The following SGMS1 variants were observed in gnomAD, a reference collection of about 807,000 sequenced individuals.
The protein encoded by SGMS1 is sphingomyelin synthase 1, also known as phosphatidylcholine:ceramide cholinephosphotransferase 1.
A neutral mutation model predicts 46.2 loss-of-function variants in SGMS1; 13 were observed. That is an observed-to-expected ratio of 0.28 (90% CI 0.18 to 0.45). SGMS1 has a LOEUF of 0.45. Among genes scored for constraint, SGMS1 ranks in the 20% least tolerant of loss-of-function variants. SGMS1 has a pLI of 1.00. For synonymous variants in SGMS1, 203 were observed against 187.8 expected, an observed-to-expected ratio of 1.08 and a Z score of -0.66; for missense variants, 324 against 519.9, an observed-to-expected ratio of 0.62 and a Z score of 3.66.
chr10:50,322,838 CAAAAAAAAA>C (rs58049533), intron 8 of SGMS1, among the ~76,000 whole-genome samples: 1 of 51,324 alleles, frequency 1.9e-5, no homozygotes, highest in African/African-American at 6.5e-5. Flanking sequence ...GACTCCGTCT[CAAAAAAAAA>C]AAAAAAAAAA....
intron 8 of SGMS1, among the ~76,000 whole-genome samples, 195 bp downstream of exon 8, chr10:50,327,010 G>T (rs1847543005): frequency 2.9e-5 from 2 of 68,260 alleles, no homozygotes; most frequent in Admixed American, 2.7e-4. Flanking sequence ...CATTTCCCCA[G>T]TTGGGAGGCA....
At chr10:50,357,281 G>T (rs1848170126) in intron 6 of SGMS1, among the ~76,000 whole-genome samples, 1 of 151,624 alleles carries the variant, frequency 6.6e-6, no homozygotes, top group South Asian at 2.1e-4. Flanking sequence ...AGCCAAGCAG[G>T]TCTTTAAACA....
chr10:50,315,834 C>G (rs982704729), intron 8 of SGMS1, among the ~76,000 whole-genome samples: 7 of 152,104 alleles, frequency 4.6e-5, no homozygotes, highest in African/African-American at 1.7e-4. Flanking sequence ...TCACAGAAAA[C>G]CAATAACCAG....
intron 2 of SGMS1, among the ~76,000 whole-genome samples, chr10:50,526,796 G>A (rs1353605702): frequency 6.6e-6 from 1 of 152,104 alleles, no homozygotes; most frequent in African/African-American, 2.4e-5. Flanking sequence ...GCCGGGCACG[G>A]TGGCTCACGC....
At chr10:50,535,603 C>T (rs544182876) in intron 2 of SGMS1, among the ~76,000 whole-genome samples, 2 of 152,240 alleles carry the variant, frequency 1.3e-5, no homozygotes, top group African/African-American at 2.4e-5. Context: ...CTCTTGACTT[C>T]GTGATCCACC....
At chr10:50,381,905 G>A (rs759006944) in intron 6 of SGMS1, among the ~76,000 whole-genome samples, 5 of 152,188 alleles carry the variant, frequency 3.3e-5, no homozygotes, top group Non-Finnish European at 5.9e-5. Flanking sequence ...CCAGCTGGCT[G>A]GCTAAACGTC....
At chr10:50,579,642 C>T (rs980641234) in intron 2 of SGMS1, among the ~76,000 whole-genome samples, 2 of 152,146 alleles carry the variant, frequency 1.3e-5, no homozygotes, top group African/African-American at 4.8e-5. Flanking sequence ...CTATCCCCAG[C>T]CACACTGTAA....
At chr10:50,345,254 T>A (rs1262248546) in intron 6 of SGMS1, among the ~76,000 whole-genome samples, 1 of 152,102 alleles carries the variant, frequency 6.6e-6, no homozygotes, top group Non-Finnish European at 1.5e-5. Flanking sequence ...GCTCTGTTGA[T>A]CTTTCTTAAT....
intron 6 of SGMS1, among the ~76,000 whole-genome samples, chr10:50,388,876 G>C (rs1257466058): frequency 6.6e-6 from 1 of 152,162 alleles, no homozygotes; most frequent in Non-Finnish European, 1.5e-5. Context: ...AGTGAAATAA[G>C]ATTTTGGATG....
chr10:50,490,409 C>A (rs535436249), intron 3 of SGMS1, among the ~76,000 whole-genome samples: 1 of 152,124 alleles, frequency 6.6e-6, no homozygotes, highest in Non-Finnish European at 1.5e-5. Context: ...CATTTTTAGA[C>A]GGCCCAGTCA....
chr10:50,434,480 T>C (rs1268647837), intron 5 of SGMS1, among the ~76,000 whole-genome samples: 5 of 151,986 alleles, frequency 3.3e-5, no homozygotes, highest in Non-Finnish European at 7.4e-5. Flanking sequence ...TGCACTGAGG[T>C]ACCATGAGAG....
At chr10:50,397,079 T>C (rs1007567983) in intron 6 of SGMS1, among the ~76,000 whole-genome samples, 32 of 152,208 alleles carry the variant, frequency 2.1e-4, no homozygotes, top group African/African-American at 7.5e-4. Context: ...ATGCTTCTTC[T>C]CTTTGCATGA....
At chr10:50,409,284 T>C (rs572856329) in intron 6 of SGMS1, among the ~76,000 whole-genome samples, 1 of 152,352 alleles carries the variant, frequency 6.6e-6, no homozygotes, top group Admixed American at 6.5e-5. Flanking sequence ...CATCAAAATA[T>C]ACAATACATT....
intron 8 of SGMS1, among the ~76,000 whole-genome samples, chr10:50,320,268 C>T (rs776563262): frequency 7.8e-4 from 119 of 152,244 alleles, no homozygotes; most frequent in Non-Finnish European, 1.5e-3. Context: ...ACGTGAGTAC[C>T]AAGAACAGAT....
intron 1 of SGMS1, among the ~76,000 whole-genome samples, chr10:50,594,233 T>C (rs188153591): frequency 2.0e-5 from 3 of 152,320 alleles, no homozygotes; most frequent in East Asian, 1.9e-4. Flanking sequence ...TCACACGACA[T>C]CAGTACAGAC....
chr10:50,614,990 G>T (rs1418791441), intron 1 of SGMS1, among the ~76,000 whole-genome samples: 1 of 152,188 alleles, frequency 6.6e-6, no homozygotes, highest in Non-Finnish European at 1.5e-5. Context: ...CTGTGATTCC[G>T]ACATCTCTGC....
In SGMS1 at chr10:50,307,918, T is replaced by C; in HGVS notation, c.1062+64A>G. The C allele has an allele frequency of 1.3e-6, 2 of 1,562,724 alleles. No individual in the cohort carries two copies. Among genetic ancestry groups the C allele is most frequent in the South Asian group, 1.1e-5 (1 of 87,900 alleles). On this transcript the variant is annotated intron_variant, in intron 10 of 10. Coordinates refer to ENST00000361781, the MANE Select transcript of SGMS1 (RefSeq NM_147156.4). The surrounding 1 kb of genome is among the most constrained non-coding windows in gnomAD (Gnocchi z 4.2). ...AGACATCCACAGGTTCTTTGCACCC[T>C]GTCCAAGCCAGCAACATCAAGCCAG...
chr10:50,330,864 A>G (rs10740654), intron 7 of SGMS1, among the ~76,000 whole-genome samples: 89,339 of 151,998 alleles, frequency 0.59, 26,922 homozygotes, highest in East Asian at 0.85. Context: ...GACAGACAAT[A>G]CATCACTGAG....
chr10:50,602,494 G>T (rs1224017868), intron 1 of SGMS1, among the ~76,000 whole-genome samples: 3 of 152,158 alleles, frequency 2.0e-5, no homozygotes, highest in Non-Finnish European at 4.4e-5. Flanking sequence ...TTATATCAGG[G>T]GAAGAAGGGA....
Sources: gnomAD v4.1 joint callset for allele counts (sites outside exome capture counted in the v4.1 genomes callset) on GRCh38, gnomAD v4.1.1 for gene constraint, Gnocchi (gnomAD v3.1) non-coding constraint, MANE v1.5 for transcripts, NCBI Gene and HGNC (gene_info 2026-07-23, HGNC 2026-07-21) for gene names.